Variants in ZNF540 observed in about 807,000 individuals in gnomAD.
ZNF540 encodes the protein zinc finger protein 540.
ZNF540 carries 3 observed loss-of-function variants against 11.8 expected under a neutral mutation model. That is an observed-to-expected ratio of 0.25 (90% CI 0.12 to 0.65). The LOEUF is 0.65. Ranked by LOEUF, ZNF540 falls within the 30% of genes least tolerant of loss-of-function variation. The pLI is 0.83. For synonymous variants in ZNF540, 247 were observed against 259.0 expected, an observed-to-expected ratio of 0.95 and a Z score of 0.45; for missense variants, 709 against 793.1, an observed-to-expected ratio of 0.89 and a Z score of 1.27.
At chr19:37,583,908 T>C in intron 1 of ZNF540, 1 of 1,513,560 alleles carries the variant, frequency 6.6e-7, no homozygotes, top group South Asian at 1.3e-5. Context: ...GATCAGAAAT[T>C]CACAATGAAT....
At chr19:37,565,020 C>A (rs775951931) in intron 1 of ZNF540, 3 of 1,613,466 alleles carry the variant, frequency 1.9e-6, no homozygotes, top group Non-Finnish European at 2.5e-6. Flanking sequence ...TGTTTCTCAC[C>A]ATGAATTTTC....
chr19:37,587,656 G>A (rs933224816), intron 1 of ZNF540, among the ~76,000 whole-genome samples: 1 of 150,750 alleles, frequency 6.6e-6, no homozygotes, highest in African/African-American at 2.4e-5. Flanking sequence ...TAACATCAAT[G>A]TTACTTGTGT....
At position 37,606,003 on chromosome 19, in the gene ZNF540, C is replaced by A. The variant is rs543131199; in HGVS notation, c.232+4898C>A. Among the ~76,000 whole-genome samples, 150 of 152,294 alleles carry A rather than the reference C, an allele frequency of 9.8e-4. 1 individual carries two copies. The highest frequency in any genetic ancestry group is 3.4e-3 in the Middle Eastern group (1 of 294). On this transcript the variant is annotated intron_variant, in intron 4 of 4. Coordinates refer to ENST00000316433, the MANE Select transcript of ZNF540 (RefSeq NM_001172225.3). Reference sequence around the variant, plus strand: ...GACTTTTAGTCAATTTATAGTTAGGCAGGAATCATGACAATCCAGTTTTAG... The same window carrying A: ...GACTTTTAGTCAATTTATAGTTAGGAAGGAATCATGACAATCCAGTTTTAG...
chr19:37,580,149 C>T (rs540415286), intron 1 of ZNF540, among the ~76,000 whole-genome samples: 3 of 152,312 alleles, frequency 2.0e-5, no homozygotes, highest in African/African-American at 7.2e-5. Flanking sequence ...TGACTAGCAA[C>T]CCTACATGGA....
In ZNF540 at chr19:37,611,535, CAAG is replaced by C. The variant is rs776376987; in HGVS notation, c.258_260del (p.Lys87del). The C allele has an allele frequency of 1.0e-5, 16 of 1,598,972 alleles. No individual in the cohort carries two copies. In the Middle Eastern group the frequency reaches 7.7e-4, roughly 77 times the overall value. On this transcript the variant is annotated inframe_deletion, in exon 5 of 5. Coordinates refer to ENST00000316433, the MANE Select transcript of ZNF540 (RefSeq NM_001172225.3). ...CAGGTTTGTTATCCAGGCATAAGAC[CAAG>C]AAATTATCTTCAGAAAAGGACATTC...
chr19:37,612,909 A>G lies in ZNF540; in HGVS notation c.1629A>G (p.Lys543=), dbSNP rs774483477. ...GAGGGAATCTTAAAGAACATCTGAA[A>G]ATTCATTCTGGTTTAAAACCCTATG... ...IRRGNLKEHL[K]IHSGLKPYDC... The change falls in exon 5 of 5, where the codon AAA becomes AAG. Residue 543 remains lysine (K), a synonymous_variant. Transcript: ENST00000316433. The G allele has an allele frequency of 1.9e-6, 3 of 1,614,024 alleles. No homozygotes were observed. In the South Asian group the frequency reaches 3.3e-5, roughly 18 times the overall value.
At chr19:37,581,020 T>G (rs1490752555) in intron 1 of ZNF540, among the ~76,000 whole-genome samples, 1 of 152,196 alleles carries the variant, frequency 6.6e-6, no homozygotes, top group Non-Finnish European at 1.5e-5. Flanking sequence ...TCCACATAAT[T>G]TTTTTCAATA....
chr19:37,595,092 T>C lies in ZNF540; in HGVS notation c.-76T>C, dbSNP rs1449619901. On this transcript the variant is annotated 5_prime_UTR_variant, in exon 1 of 5. Transcript: ENST00000316433. The stretch of plus-strand genomic sequence containing the variant: ...GGGCTAGAAGAGCTGCAAAAGGCTG[T>C]CAGGTAAGGTCTGGATTTCTCTCTG... 1 of 152,182 alleles carries C rather than the reference T, an allele frequency of 6.6e-6. No individual in the cohort carries two copies. Among genetic ancestry groups the C allele is most frequent in the Non-Finnish European group, 1.5e-5 (1 of 68,050 alleles). The allele number at this position is 152,182 out of a possible 1,614,324, so 9.4% of individuals were successfully genotyped here. A position where few individuals can be genotyped will look rare whatever the true frequency, so the allele number is the denominator to read the frequency against.
chr19:37,559,968 A>C (rs961835577), intron 1 of ZNF540, among the ~76,000 whole-genome samples: 5 of 152,232 alleles, frequency 3.3e-5, no homozygotes, highest in African/African-American at 1.2e-4. Flanking sequence ...GTGCAATACA[A>C]TGAAGGTGGT....
chr19:37,552,710 G>T (rs2147133113), intron 1 of ZNF540, among the ~76,000 whole-genome samples: 1 of 152,310 alleles, frequency 6.6e-6, no homozygotes, highest in South Asian at 2.1e-4. Flanking sequence ...CACTCTGGAA[G>T]GCTGAGGTGG....
chr19:37,564,540 C>A, intron 1 of ZNF540: 1 of 1,422,874 alleles, frequency 7.0e-7, no homozygotes, highest in Non-Finnish European at 9.3e-7. Context: ...GTTCTACATT[C>A]ATTATAGATA....
chr19:37,590,222 C>T (rs1799101489), upstream of ZNF540, among the ~76,000 whole-genome samples: 1 of 151,552 alleles, frequency 6.6e-6, no homozygotes, highest in Non-Finnish European at 1.5e-5. Flanking sequence ...CTGGCTAACA[C>T]AGTGAAACCC....
Position 37,601,098 on chromosome 19 carries a change from G to GT in ZNF540, c.226dup (p.Cys76LeufsTer9). 6.3e-7 allele frequency: 1 copy of GT among 1,575,092 alleles called. No individual in the cohort carries two copies. The highest frequency in any genetic ancestry group is 8.6e-7 in the Non-Finnish European group (1 of 1,159,884). ...TGGCGAGGGATGTGACAGGAAGACA[G>GT]TGCCCCGGTGAGTTGAGAGTTCATC... is the stretch of plus-strand genomic sequence containing the variant. On this transcript the variant is annotated frameshift_variant, in exon 4 of 5. Transcript: ENST00000316433. LOFTEE classifies it low-confidence loss of function (END_TRUNC).
At chr19:37,565,574 C>A (rs752049399) in intron 1 of ZNF540, 15 of 1,613,490 alleles carry the variant, frequency 9.3e-6, no homozygotes, top group African/African-American at 1.3e-5. Context: ...AAAGGCCTTC[C>A]CACAATCCTT....
intron 1 of ZNF540, among the ~76,000 whole-genome samples, chr19:37,581,742 C>T (rs2043472482): frequency 6.6e-6 from 1 of 151,724 alleles, no homozygotes; most frequent in Non-Finnish European, 1.5e-5. Context: ...GGATTACAGG[C>T]TTGAGCCATT....
rs1975937 is a variant in ZNF540 at position 37,601,031 on chromosome 19, A to T, written c.158A>T (p.Asp53Val). The part of the protein sequence containing the change: ...VSLGYSGSKP[D>V]VITLLEQGKE... ...GCAGGATATTCTGGCTCAAAGCCAGATGTGATTACCTTACTGGAGCAAGGG... is the reference window on the plus strand; with the variant it reads ...GCAGGATATTCTGGCTCAAAGCCAGTTGTGATTACCTTACTGGAGCAAGGG... The change falls in exon 4 of 5, where the codon GAT (aspartate) becomes GTT (valine). Residue 53 changes from aspartate to valine, a missense_variant. Physicochemically the swap from Asp to Val is radical, Grantham distance 152 (BLOSUM62 -3). Transcript: ENST00000316433. 0.21 allele frequency: 329,806 copies of T among 1,584,726 alleles called. 41,254 individuals carry two copies. Among genetic ancestry groups the T allele is most frequent in the East Asian group, 0.65 (28,008 of 42,868 alleles).
chr19:37,583,475 G>A lies in ZNF540; in HGVS notation c.-72-14901G>A, dbSNP rs1398664418. 3.3e-5 allele frequency: 5 copies of A among 153,184 alleles called. No homozygotes were observed. In the East Asian group the frequency reaches 9.6e-4, roughly 30 times the overall value. 9.5% of individuals were successfully genotyped at this position (153,184 alleles called of 1,614,324 possible). On this transcript the variant is annotated intron_variant, in intron 1 of 4. Coordinates refer to the ZNF540 transcript ENST00000592533. Reference sequence around the variant, plus strand: ...CACATAACCTTCCTGCTCTCCCTATGTCTCAAGCCTTCTTTCCACAGGCCT... The same window carrying A: ...CACATAACCTTCCTGCTCTCCCTATATCTCAAGCCTTCTTTCCACAGGCCT...
rs750317723 is a variant in ZNF540 at position 37,611,800 on chromosome 19, C to A, written c.520C>A (p.His174Asn). The change falls in exon 5 of 5, where the codon CAC (histidine) becomes AAC (asparagine). Residue 174 changes from histidine (H) to asparagine (N), a missense_variant. His to Asn is a moderately conservative substitution (Grantham distance 68). Coordinates refer to ENST00000316433, the MANE Select transcript of ZNF540 (RefSeq NM_001172225.3). ...CAATAGTGAGAAAAGCTGTGACTCACACTTGGTTCAACATGGGAAAATAGA... is the reference window on the plus strand; with the variant it reads ...CAATAGTGAGAAAAGCTGTGACTCAAACTTGGTTCAACATGGGAAAATAGA... ...IHNSEKSCDSHLVQHGKIDSD... is the reference protein window; with the variant it reads ...IHNSEKSCDSNLVQHGKIDSD... 6 of 1,613,994 alleles carry A rather than the reference C, an allele frequency of 3.7e-6. No homozygotes were observed. Among genetic ancestry groups the A allele is most frequent in the Non-Finnish European group, 5.1e-6 (6 of 1,179,972 alleles).
At chr19:37,576,335 C>T (rs921434662) in intron 1 of ZNF540, among the ~76,000 whole-genome samples, 1 of 152,136 alleles carries the variant, frequency 6.6e-6, no homozygotes, top group Non-Finnish European at 1.5e-5. Context: ...AGGTTTGGTC[C>T]TGGCCTCTTT....
Sources: gnomAD v4.1 joint callset for allele counts (sites outside exome capture counted in the v4.1 genomes callset) on GRCh38, gnomAD v4.1.1 for gene constraint, MANE v1.5 for transcripts, NCBI Gene and HGNC (gene_info 2026-07-23, HGNC 2026-07-21) for gene names.